Variants in PDE1C observed in about 807,000 individuals in gnomAD.
PDE1C encodes the protein phosphodiesterase 1C, also known as dual specificity calcium/calmodulin-dependent 3',5'-cyclic nucleotide phosphodiesterase 1C.
A neutral mutation model predicts 93.1 loss-of-function variants in PDE1C; 62 were observed. That is an observed-to-expected ratio of 0.67 (90% confidence interval 0.54 to 0.82). The LOEUF is 0.82. Among genes scored for constraint, PDE1C ranks in the 40% least tolerant of loss-of-function variants. The pLI, the probability that PDE1C is intolerant of heterozygous loss-of-function variation, is 0.00. For synonymous variants in PDE1C, 325 were observed against 310.1 expected (o/e 1.05, Z -0.50); for missense variants, 742 against 884.6 (o/e 0.84, Z 2.04).
rs1783128161 is a variant in PDE1C at position 32,314,533 on chromosome 7, T to C, written c.311-104994A>G. Among the ~76,000 whole-genome samples the C allele has an allele frequency of 2.0e-5, 3 of 152,238 alleles. No homozygotes were observed. The South Asian group carries it at 6.2e-4, about 32-fold the overall frequency. ...GCTGGCATGGACTTGCACTCACACATGAGGAAGGGAATGTGGTTTCTTAGG... is the reference window on the plus strand; with the variant it reads ...GCTGGCATGGACTTGCACTCACACACGAGGAAGGGAATGTGGTTTCTTAGG... On this transcript the variant is annotated intron_variant, in intron 1 of 1. Transcript: ENST00000672256.
intron 2 of PDE1C, among the ~76,000 whole-genome samples, chr7:31,964,335 A>C (rs1189544883): frequency 1.3e-5 from 2 of 152,222 alleles, no homozygotes; most frequent in African/African-American, 2.4e-5. Flanking sequence ...GGAGGGTCCT[A>C]TGCCCACGGA....
intron 2 of PDE1C, among the ~76,000 whole-genome samples, chr7:31,982,756 C>T (rs1692897916): frequency 6.6e-6 from 1 of 151,384 alleles, no homozygotes; most frequent in African/African-American, 2.4e-5. Context: ...TTTGAACTTG[C>T]CCACATGTTT....
At chr7:32,296,744 T>C (rs937028849) in intron 1 of PDE1C, among the ~76,000 whole-genome samples, 2 of 152,238 alleles carry the variant, frequency 1.3e-5, no homozygotes, top group Non-Finnish European at 2.9e-5. Flanking sequence ...TTTGAGAATT[T>C]TCTTACCAGA....
the PDE1C span, chr7:31,658,181 T>C: frequency 8.5e-7 from 1 of 1,171,874 alleles, no homozygotes; most frequent in Non-Finnish European, 1.2e-6. Context: ...TAGATTTGTG[T>C]AAGGATATTC....
the PDE1C span, among the ~76,000 whole-genome samples, chr7:31,621,571 C>G: frequency 6.8e-6 from 1 of 147,548 alleles, no homozygotes; most frequent in Admixed American, 6.8e-5. Context: ...GATTTTGTCA[C>G]CACCAGGCCT....
chr7:32,160,444 A>G (rs1801844271), intron 3 of PDE1C, among the ~76,000 whole-genome samples: 1 of 152,230 alleles, frequency 6.6e-6, no homozygotes. Flanking sequence ...TAGGGCTGAC[A>G]ATCTATAAAG....
intron 2 of PDE1C, among the ~76,000 whole-genome samples, chr7:31,913,641 T>C (rs4723111): frequency 0.95 from 144,450 of 152,254 alleles, 68,977 homozygotes; most frequent in East Asian, 1. Context: ...TTAAGGCAAC[T>C]CAAGTGATCA....
At chr7:31,722,631 T>G in the PDE1C span, among the ~76,000 whole-genome samples, 1 of 152,132 alleles carries the variant, frequency 6.6e-6, no homozygotes, top group Non-Finnish European at 1.5e-5. Context: ...CCACCTGAGA[T>G]CTGAAGAATG....
intron 2 of PDE1C, among the ~76,000 whole-genome samples, chr7:31,988,274 A>AG (rs2129070598): frequency 6.6e-6 from 1 of 152,314 alleles, no homozygotes; most frequent in East Asian, 1.9e-4. Context: ...TACAGTAAAG[A>AG]GCACCTTCAT....
chr7:31,731,439 G>C, the PDE1C span, among the ~76,000 whole-genome samples: 7 of 152,056 alleles, frequency 4.6e-5, no homozygotes, highest in Admixed American at 4.6e-4. Context: ...CACCCAGGCT[G>C]GAGTGCAGTG....
intron 3 of PDE1C, among the ~76,000 whole-genome samples, chr7:32,144,033 C>G (rs892991522): frequency 5.9e-4 from 90 of 151,968 alleles, no homozygotes; most frequent in Non-Finnish European, 1.2e-3. Context: ...GATGGGCATC[C>G]CAGGCAATGA....
rs147476804 is a variant in PDE1C at position 32,114,692 on chromosome 7, C to T, written c.308+55093G>A. Reference sequence around the variant, plus strand: ...CAGAGTGAACAACCTACAGAATGGGCGAAAATTTTTGCAATCTACCCACCT... The same window carrying T: ...CAGAGTGAACAACCTACAGAATGGGTGAAAATTTTTGCAATCTACCCACCT... On this transcript the variant is annotated intron_variant, in intron 3 of 18. Transcript: ENST00000396193. Among the ~76,000 whole-genome samples, 1,017 of 152,098 alleles carry T rather than the reference C, an allele frequency of 6.7e-3. 14 individuals carry two copies. Among genetic ancestry groups the T allele is most frequent in the Admixed American group, 0.026 (392 of 15,276 alleles).
chr7:32,064,462 GC>G (rs1795148250), intron 1 of PDE1C, among the ~76,000 whole-genome samples: 1 of 152,014 alleles, frequency 6.6e-6, no homozygotes, highest in African/African-American at 2.4e-5. Context: ...TTTCAAACAT[GC>G]CCCCTGTTCT....
intron 2 of PDE1C, among the ~76,000 whole-genome samples, chr7:32,206,536 A>G (rs922228226): frequency 3.3e-5 from 5 of 152,284 alleles, no homozygotes; most frequent in African/African-American, 4.8e-5. Flanking sequence ...GAAGTCCCCA[A>G]TGTCAGGAGC....
intron 1 of PDE1C, among the ~76,000 whole-genome samples, chr7:32,411,908 T>C (rs920345417): frequency 1.3e-5 from 2 of 152,168 alleles, no homozygotes; most frequent in African/African-American, 4.8e-5. Context: ...TTTTACTTTT[T>C]TCTTTAAAAA....
At chr7:32,157,807 T>C (rs1332505528) in intron 3 of PDE1C, among the ~76,000 whole-genome samples, 1 of 152,198 alleles carries the variant, frequency 6.6e-6, no homozygotes, top group Non-Finnish European at 1.5e-5. Context: ...GGCTAAAAGG[T>C]GACTTACATG....
At chr7:32,071,486 C>T, upstream of PDE1C, 2 of 906,268 alleles carry the variant, frequency 2.2e-6, no homozygotes, top group Non-Finnish European at 2.6e-6. Context: ...TCCCTCCCTC[C>T]CTCCCTTTCA....
chr7:31,998,100 A>T (rs1240113374), intron 2 of PDE1C, among the ~76,000 whole-genome samples: 1 of 151,796 alleles, frequency 6.6e-6, no homozygotes, highest in Non-Finnish European at 1.5e-5. Flanking sequence ...GCTCACTGCA[A>T]TCTCTGCCTC....
intron 1 of PDE1C, among the ~76,000 whole-genome samples, chr7:32,406,667 C>T (rs1785058191): frequency 6.6e-6 from 1 of 152,174 alleles, no homozygotes; most frequent in South Asian, 2.1e-4. Flanking sequence ...CTGTGGGCTG[C>T]TCCTTGCCAC....
Sources: gnomAD v4.1 joint callset for allele counts (sites outside exome capture counted in the v4.1 genomes callset) on GRCh38, gnomAD v4.1.1 for gene constraint, MANE v1.5 for transcripts, NCBI Gene and HGNC (gene_info 2026-07-23, HGNC 2026-07-21) for gene names.